ABTB2: variants seen among roughly 807,000 people sequenced by gnomAD.
ABTB2 encodes the protein ankyrin repeat and BTB/POZ domain-containing protein 2.
Under a neutral mutation model 104.1 loss-of-function variants are expected in ABTB2, and 56 were observed. The ratio of observed to expected loss-of-function variants is 0.54; its 90% CI spans 0.43 to 0.67. The LOEUF (loss-of-function observed/expected upper bound fraction) is 0.67, where lower values mean the gene tolerates loss of function less well. Among genes scored for constraint, ABTB2 ranks in the 30% least tolerant of loss-of-function variants. The pLI, the probability that ABTB2 is intolerant of heterozygous loss-of-function variation, is 0.00. For missense variants in ABTB2, 1,279 were observed against 1,407.7 expected (o/e 0.91, Z 1.46); for synonymous variants, 606 against 608.2 (o/e 1.00, Z 0.05).
chr11:34,152,260 G>T lies in ABTB2; in HGVS notation c.*127C>A. The T allele has an allele frequency of 6.8e-6, 7 of 1,033,874 alleles. No individual in the cohort carries two copies. Among genetic ancestry groups the T allele is most frequent in the Non-Finnish European group, 9.7e-6 (7 of 722,130 alleles). The allele number at this position is 1,033,874 out of a possible 1,614,324, so 64.0% of individuals were successfully genotyped here. A position where few individuals can be genotyped will look rare whatever the true frequency, so the allele number is the denominator to read the frequency against. On this transcript the variant is annotated 3_prime_UTR_variant, in exon 17 of 17. Transcript: ENST00000435224. ...GGGTGAGCTGCCCGGTGACAGGGGG[G>T]ACATCTGGGGGAGGAGGAGGAAACA... is the stretch of plus-strand genomic sequence containing the variant.
intron 10 of ABTB2, 110 bp downstream of exon 10, chr11:34,162,466 C>T: frequency 3.3e-6 from 4 of 1,210,824 alleles, no homozygotes; most frequent in South Asian, 1.5e-5. Context: ...TGGGGCTTGT[C>T]TGTCCCTGCA....
chr11:34,172,265 G>C (rs1852884259), intron 4 of ABTB2, among the ~76,000 whole-genome samples: 1 of 150,452 alleles, frequency 6.6e-6, no homozygotes, highest in African/African-American at 2.5e-5. Context: ...CCAGTTACTT[G>C]GGAGGCTGAG....
intron 1 of ABTB2, among the ~76,000 whole-genome samples, chr11:34,320,480 T>C (rs1224937346): frequency 6.6e-6 from 1 of 152,194 alleles, no homozygotes; most frequent in Non-Finnish European, 1.5e-5. Context: ...GTAGACCATT[T>C]CAATGCCTCC....
chr11:34,224,494 T>C (rs1311844924), intron 1 of ABTB2, among the ~76,000 whole-genome samples: 1 of 152,138 alleles, frequency 6.6e-6, no homozygotes, highest in Non-Finnish European at 1.5e-5. Context: ...CCCCTCTCTT[T>C]GACCATCCTT....
rs1454550659 is a variant in ABTB2 at position 34,154,798 on chromosome 11, C to T, written c.2698-29G>A. The T allele has an allele frequency of 1.2e-6, 2 of 1,610,724 alleles. No individual in the cohort carries two copies. The highest frequency in any genetic ancestry group is 4.5e-5 in the East Asian group (2 of 44,812). On this transcript the variant is annotated intron_variant, in intron 14 of 16. Coordinates refer to ENST00000435224, the MANE Select transcript of ABTB2 (RefSeq NM_145804.3). This position sits in a 1 kb window ranked among gnomAD's most constrained non-coding sequence, Gnocchi z 4.9. Reference sequence around the variant, plus strand: ...TGGTGGGAAGAGGCCCATGTGAATGCCACGTGAACCTGAGGCATGAAAGTC... The same window carrying T: ...TGGTGGGAAGAGGCCCATGTGAATGTCACGTGAACCTGAGGCATGAAAGTC...
intron 1 of ABTB2, among the ~76,000 whole-genome samples, chr11:34,273,284 C>T (rs1405178140): frequency 3.3e-5 from 5 of 152,228 alleles, no homozygotes; most frequent in Admixed American, 2.6e-4. Context: ...CAGGGGTCTA[C>T]TTTTGTTGCT....
intron 3 of ABTB2, among the ~76,000 whole-genome samples, chr11:34,182,619 G>A (rs1322454088): frequency 1.3e-5 from 2 of 151,956 alleles, no homozygotes; most frequent in African/African-American, 2.4e-5. Context: ...GTCATGACTA[G>A]CTCTGGGTGA....
At chr11:34,208,861 C>T (rs961573885) in intron 1 of ABTB2, among the ~76,000 whole-genome samples, 1 of 152,054 alleles carries the variant, frequency 6.6e-6, no homozygotes, top group Non-Finnish European at 1.5e-5. Flanking sequence ...CTGCCACCAC[C>T]CCAGTCAGGC....
rs1384350100 is a variant in ABTB2 at position 34,152,327 on chromosome 11, C to G, written c.*60G>C. 1 of 1,508,866 alleles carries G rather than the reference C, an allele frequency of 6.6e-7. No homozygotes were observed. Among genetic ancestry groups the G allele is most frequent in the Non-Finnish European group, 8.9e-7 (1 of 1,124,002 alleles). The allele number at this position is 1,508,866 out of a possible 1,614,324, so 93.5% of individuals were successfully genotyped here. ...TCCAAGAGGGCCTACAACCATACCC[C>G]GACATGGTGGGCCCTGGCACCTCCA... is the stretch of plus-strand genomic sequence containing the variant. On this transcript the variant is annotated 3_prime_UTR_variant, in exon 17 of 17. Transcript: ENST00000435224.
At position 34,357,016 on chromosome 11, in the gene ABTB2, C is replaced by T. The variant is rs1395993215; in HGVS notation, c.568G>A (p.Gly190Ser). Residue 190 changes from glycine (G) to serine (S), a missense_variant, in exon 1 of 17, where the codon GGC (glycine) becomes AGC (serine). Transcript: ENST00000435224. ...KALSLYSMSA[G>S]DGLRRGKSAR... Reference sequence around the variant, plus strand: ...GACTTGCCCCGGCGCAGCCCGTCGCCGGCGCTCATGCTGTACAGGGACAGC... The same window carrying T: ...GACTTGCCCCGGCGCAGCCCGTCGCTGGCGCTCATGCTGTACAGGGACAGC... The T allele has an allele frequency of 1.3e-6, 2 of 1,563,862 alleles. No individual in the cohort carries two copies. The highest frequency in any genetic ancestry group is 1.9e-5 in the Admixed American group (1 of 52,718).
At chr11:34,186,176 A>C (rs1853096105) in intron 3 of ABTB2, among the ~76,000 whole-genome samples, 2 of 152,238 alleles carry the variant, frequency 1.3e-5, no homozygotes, top group Admixed American at 1.3e-4. Context: ...CGGGAACAGA[A>C]GGCTGGGCTC....
intron 4 of ABTB2, 37 bp from the exon 5 acceptor site, chr11:34,171,108 T>C (rs763476885): frequency 6.3e-7 from 1 of 1,599,770 alleles, no homozygotes; most frequent in East Asian, 2.2e-5. Context: ...TGTGACTGTA[T>C]GCAGACAGCA....
intron 1 of ABTB2, among the ~76,000 whole-genome samples, chr11:34,354,301 G>T (rs897701979): frequency 6.6e-6 from 1 of 152,116 alleles, no homozygotes; most frequent in Non-Finnish European, 1.5e-5. Context: ...GTTTGGAAAG[G>T]GGGGGCAAGG....
At chr11:34,240,510 T>C (rs951772316) in intron 1 of ABTB2, among the ~76,000 whole-genome samples, 3 of 152,220 alleles carry the variant, frequency 2.0e-5, no homozygotes, top group Non-Finnish European at 2.9e-5. Flanking sequence ...CTCCTAATAA[T>C]TGACATCTGG....
chr11:34,299,775 G>A (rs1854676999), intron 1 of ABTB2, among the ~76,000 whole-genome samples: 1 of 152,198 alleles, frequency 6.6e-6, no homozygotes, highest in African/African-American at 2.4e-5. Context: ...TCTTACATTA[G>A]AAATAAGAGG....
chr11:34,174,525 G>A (rs1427415919), intron 3 of ABTB2, among the ~76,000 whole-genome samples: 7 of 152,222 alleles, frequency 4.6e-5, no homozygotes, highest in African/African-American at 7.2e-5. Context: ...CATGTGCACA[G>A]CCTGTGCTGG....
intron 1 of ABTB2, among the ~76,000 whole-genome samples, chr11:34,339,442 T>C (rs1256115535): frequency 1.3e-5 from 2 of 152,144 alleles, no homozygotes; most frequent in East Asian, 3.9e-4. Flanking sequence ...AAGCAACTAT[T>C]TGGCAAGAAG....
intron 3 of ABTB2, among the ~76,000 whole-genome samples, chr11:34,191,246 G>A (rs1853171125): frequency 2.0e-5 from 3 of 152,180 alleles, no homozygotes; most frequent in Non-Finnish European, 2.9e-5. Flanking sequence ...TCCAGCCTGG[G>A]TGACAGAGTG....
intron 1 of ABTB2, among the ~76,000 whole-genome samples, chr11:34,221,897 G>A (rs554074520): frequency 1.3e-5 from 2 of 152,132 alleles, no homozygotes; most frequent in Admixed American, 6.5e-5. Context: ...AAATTAGCTG[G>A]ACATGGTGGT....
Sources: gnomAD v4.1 joint callset for allele counts (sites outside exome capture counted in the v4.1 genomes callset) on GRCh38, gnomAD v4.1.1 for gene constraint, Gnocchi (gnomAD v3.1) non-coding constraint, MANE v1.5 for transcripts, NCBI Gene and HGNC (gene_info 2026-07-23, HGNC 2026-07-21) for gene names.